The following MYO16 variants were observed in gnomAD, a reference collection of about 807,000 sequenced individuals.
MYO16 encodes the protein unconventional myosin-XVI.
Under a neutral mutation model 205.3 loss-of-function variants are expected in MYO16, and 94 were observed. That is an observed-to-expected ratio of 0.46 (90% confidence interval 0.39 to 0.54). The LOEUF is 0.54. MYO16 is among the 20% of genes least tolerant of loss of function. The pLI is 0.00. For missense variants in MYO16, 2,315 were observed against 2,387.5 expected, an observed-to-expected ratio of 0.97 and a Z score of 0.63; for synonymous variants, 988 against 954.0, an observed-to-expected ratio of 1.04 and a Z score of -0.66.
rs558976855 is a variant in MYO16 at position 109,204,656 on chromosome 13, T to C, written c.5416-1953T>C. ...TCTTCTTTTGAGAATTGTCTACTCA[T>C]GTCCTTAGCCCACTTTGAAAGAAAT... On this transcript the variant is annotated intron_variant, in intron 34 of 34. Transcript: ENST00000457511. 7.2e-5 allele frequency among the ~76,000 whole-genome samples: 11 copies of C among 152,358 alleles called. No individual in the cohort carries two copies. In the South Asian group the frequency reaches 2.3e-3, roughly 32 times the overall value.
At chr13:108,890,613 T>G in intron 14 of MYO16, among the ~76,000 whole-genome samples, 1 of 152,304 alleles carries the variant, frequency 6.6e-6, no homozygotes, top group Admixed American at 6.5e-5. Context: ...TTGAACTTAG[T>G]CATGCTGCTA....
chr13:109,012,849 A>G (rs1310743058), intron 22 of MYO16, among the ~76,000 whole-genome samples: 2 of 151,430 alleles, frequency 1.3e-5, no homozygotes, highest in African/African-American at 4.9e-5. Flanking sequence ...TCAGACTTCT[A>G]ATTTAAGTTT....
At chr13:109,056,647 A>C (rs1359095049) in intron 27 of MYO16, among the ~76,000 whole-genome samples, 1 of 152,162 alleles carries the variant, frequency 6.6e-6, no homozygotes, top group Non-Finnish European at 1.5e-5. Context: ...GGAATATTAC[A>C]TGGGTTGGAA....
At chr13:108,970,572 G>A (rs1594435623) in intron 20 of MYO16, among the ~76,000 whole-genome samples, 1 of 152,330 alleles carries the variant, frequency 6.6e-6, no homozygotes, top group Non-Finnish European at 1.5e-5. Flanking sequence ...GCACCCCAGT[G>A]TCGAGGTAAA....
intron 1 of MYO16, among the ~76,000 whole-genome samples, chr13:108,643,914 T>A (rs758485620): frequency 1.3e-5 from 2 of 152,228 alleles, no homozygotes; most frequent in Non-Finnish European, 2.9e-5. Flanking sequence ...ATCATAAAAG[T>A]GCTGTACTCA....
At chr13:109,188,557 A>G (rs749847929) in intron 34 of MYO16, among the ~76,000 whole-genome samples, 3 of 152,308 alleles carry the variant, frequency 2.0e-5, no homozygotes, top group Non-Finnish European at 2.9e-5. Flanking sequence ...AACACGATAG[A>G]TGAATATATA....
At chr13:108,782,937 C>A (rs1045557540) in intron 4 of MYO16, among the ~76,000 whole-genome samples, 1 of 152,216 alleles carries the variant, frequency 6.6e-6, no homozygotes, top group Non-Finnish European at 1.5e-5. Flanking sequence ...CAAAAGTTTG[C>A]TGCAGGGGCG....
chr13:108,598,977 C>T (rs1324549371), intron 1 of MYO16, among the ~76,000 whole-genome samples: 1 of 146,356 alleles, frequency 6.8e-6, no homozygotes, highest in Non-Finnish European at 1.5e-5. Context: ...AGGTATATCT[C>T]CTAATGCTAT....
At chr13:109,007,612 A>G (rs1885443672) in intron 21 of MYO16, among the ~76,000 whole-genome samples, 1 of 150,974 alleles carries the variant, frequency 6.6e-6, no homozygotes, top group Non-Finnish European at 1.5e-5. Context: ...GCACAGAAGT[A>G]GAAGAGTAGC....
chr13:109,110,177 A>T (rs1889241744), intron 28 of MYO16, among the ~76,000 whole-genome samples: 1 of 152,244 alleles, frequency 6.6e-6, no homozygotes, highest in South Asian at 2.1e-4. Flanking sequence ...GCTCTGACTG[A>T]ATATATTAAC....
chr13:108,794,832 T>C (rs1886734749), intron 6 of MYO16, among the ~76,000 whole-genome samples: 1 of 152,116 alleles, frequency 6.6e-6, no homozygotes, highest in Non-Finnish European at 1.5e-5. Flanking sequence ...GTGAATTGAA[T>C]TGAAATGCTT....
intron 21 of MYO16, among the ~76,000 whole-genome samples, chr13:109,002,407 A>G (rs1456464527): frequency 6.6e-6 from 1 of 152,232 alleles, no homozygotes; most frequent in Non-Finnish European, 1.5e-5. Context: ...AGCCATCTGG[A>G]TAAGCAATAA....
At chr13:108,529,401 G>T in the MYO16 span, among the ~76,000 whole-genome samples, 1 of 151,996 alleles carries the variant, frequency 6.6e-6, no homozygotes. Context: ...ATACTTTAAA[G>T]CCATTTTTTT....
At position 109,140,278 on chromosome 13, in the gene MYO16, A is replaced by G; in HGVS notation, c.4066A>G (p.Arg1356Gly). 1 of 1,600,064 alleles carries G rather than the reference A, an allele frequency of 6.2e-7. No individual in the cohort carries two copies. Among genetic ancestry groups the G allele is most frequent in the Non-Finnish European group, 8.5e-7 (1 of 1,179,074 alleles). The change falls in exon 32 of 35, where the codon AGA (arginine) becomes GGA (glycine). Residue 1356 changes from arginine to glycine, a missense_variant. Around this residue, in one of 3 missense-constraint regions of MYO16, gnomAD observed 1,097 missense variants for 1,092.0 expected, o/e 1.00. Coordinates refer to ENST00000457511, the MANE Select transcript of MYO16 (RefSeq NM_001198950.3). This position sits in a 1 kb window ranked among gnomAD's most constrained non-coding sequence, Gnocchi z 8.0. The part of the protein sequence containing the change: ...EAANEALARP[R>G]PHSDDYSTMK... ...TCCTGCCGCAGCTCTGGCCCGGCCC[A>G]GACCGCACAGCGACGACTACAGCAC... is the stretch of plus-strand genomic sequence containing the variant.
intron 11 of MYO16, among the ~76,000 whole-genome samples, chr13:108,863,491 A>G (rs1878554136): frequency 6.6e-6 from 1 of 152,138 alleles, no homozygotes; most frequent in Non-Finnish European, 1.5e-5. Context: ...ATTATTAGTT[A>G]CAATTATTGA....
chr13:108,668,859 C>T (rs1881859072), intron 2 of MYO16, among the ~76,000 whole-genome samples: 1 of 152,070 alleles, frequency 6.6e-6, no homozygotes, highest in Non-Finnish European at 1.5e-5. Context: ...GATGTAACTC[C>T]AGAGGGTGAA....
At chr13:108,920,671 C>A (rs975221271) in intron 16 of MYO16, among the ~76,000 whole-genome samples, 11 of 152,174 alleles carry the variant, frequency 7.2e-5, no homozygotes, top group Admixed American at 5.9e-4. Flanking sequence ...GTTGGCCAGG[C>A]TGGTCTCAAA....
intron 2 of MYO16, among the ~76,000 whole-genome samples, chr13:108,674,824 CT>C (rs1882133553): frequency 6.6e-6 from 1 of 152,172 alleles, no homozygotes; most frequent in Non-Finnish European, 1.5e-5. Flanking sequence ...CTACGAATGT[CT>C]CCTATATTAG....
chr13:108,771,768 C>CT (rs34161875), intron 4 of MYO16, among the ~76,000 whole-genome samples: 12,095 of 151,934 alleles, frequency 0.08, 614 homozygotes, highest in Non-Finnish European at 0.12. Flanking sequence ...TTCAGACTGG[C>CT]TTTTTTTTCA....
Sources: gnomAD v4.1 joint callset for allele counts (sites outside exome capture counted in the v4.1 genomes callset) on GRCh38, gnomAD v4.1.1 for gene constraint, gnomAD v4.1.1 regional missense constraint, Gnocchi (gnomAD v3.1) non-coding constraint, MANE v1.5 for transcripts, NCBI Gene and HGNC (gene_info 2026-07-23, HGNC 2026-07-21) for gene names.